MCM9: variants seen among roughly 807,000 people sequenced by gnomAD.
The protein encoded by MCM9 is minichromosome maintenance 9 homologous recombination repair factor, also known as DNA helicase MCM9.
In MCM9, 55 loss-of-function variants were observed where a neutral mutation model predicts 72.8. The ratio of observed to expected loss-of-function variants is 0.76; its 90% CI spans 0.61 to 0.95. MCM9 has a LOEUF of 0.95. Among genes scored for constraint, MCM9 ranks in the 40% least tolerant of loss-of-function variants. The pLI, the probability that MCM9 is intolerant of heterozygous loss-of-function variation, is 0.00. For synonymous variants in MCM9, 480 were observed against 503.4 expected (o/e 0.95, Z 0.62); for missense variants, 1,279 against 1,377.0 (o/e 0.93, Z 1.13).
intron 1 of MCM9, among the ~76,000 whole-genome samples, 167 bp from the exon 2 acceptor site, chr6:118,932,907 A>C (rs1486116561): frequency 6.6e-6 from 1 of 152,210 alleles, no homozygotes; most frequent in Non-Finnish European, 1.5e-5. Flanking sequence ...AAAAGCACCT[A>C]TCCCCATTCT....
Position 118,856,419 on chromosome 6 carries a change from C to T in MCM9, c.1277G>A (p.Ser426Asn). Residue 426 changes from serine (S) to asparagine (N), a missense_variant, in exon 9 of 14, where the codon AGT becomes AAT. Transcript: ENST00000619706. The stretch of plus-strand genomic sequence containing the variant: ...TTGTTGCTCCATTGCTTCATGGATA[C>T]TGGTCCTATCATGCTCTTTGAGGCT... ...FNSLKEHDRT[S>N]IHEAMEQQTI... 6.5e-7 allele frequency: 1 copy of T among 1,535,672 alleles called. No individual in the cohort carries two copies. The highest frequency in any genetic ancestry group is 8.7e-7 in the Non-Finnish European group (1 of 1,146,892).
At chr6:118,880,809 T>C (rs1029340154) in intron 8 of MCM9, among the ~76,000 whole-genome samples, 1 of 152,188 alleles carries the variant, frequency 6.6e-6, no homozygotes, top group African/African-American at 2.4e-5. Flanking sequence ...TTGTAGAGGA[T>C]TCCTGTGTTC....
intron 8 of MCM9, chr6:118,908,210 T>A (rs1300912523): frequency 6.6e-6 from 1 of 152,174 alleles, no homozygotes; most frequent in Non-Finnish European, 1.5e-5. Flanking sequence ...TTGGTTTGTT[T>A]GGTAAGAGAA....
chr6:118,892,597 A>G (rs1206417789), intron 8 of MCM9, among the ~76,000 whole-genome samples: 1 of 152,258 alleles, frequency 6.6e-6, no homozygotes, highest in East Asian at 1.9e-4. Context: ...GTCTTACAGC[A>G]TACAGCAATT....
At chr6:118,910,137 A>T (rs1780436774) in intron 8 of MCM9, among the ~76,000 whole-genome samples, 1 of 140,190 alleles carries the variant, frequency 7.1e-6, no homozygotes, top group Non-Finnish European at 1.5e-5. Flanking sequence ...AAAAAAAAAG[A>T]CTCCATAACA....
At position 118,922,014 on chromosome 6, in the gene MCM9, A is replaced by C. The variant is rs201895364; in HGVS notation, c.694T>G (p.Cys232Gly). The change falls in exon 5 of 14, where the codon TGC (cysteine) becomes GGC (glycine). Residue 232 changes from cysteine (C) to glycine (G), a missense_variant. Cys to Gly is a radical substitution (Grantham distance 159). Coordinates refer to ENST00000619706, the MANE Select transcript of MCM9 (RefSeq NM_017696.3). ...VILEDDLVDSCKSGDDLTIYG... is the reference protein window; with the variant it reads ...VILEDDLVDSGKSGDDLTIYG... ...ATTCCCCTCTTCTTACCAGATTTGC[A>C]ACTATCCACTAAGTCATCTTCCAGA... 4.0e-5 allele frequency: 65 copies of C among 1,612,494 alleles called. No individual in the cohort carries two copies. Among genetic ancestry groups the C allele is most frequent in the Non-Finnish European group, 8.5e-7 (1 of 1,179,222 alleles).
At chr6:118,846,635 G>A (rs1775887591) in intron 9 of MCM9, among the ~76,000 whole-genome samples, 1 of 151,724 alleles carries the variant, frequency 6.6e-6, no homozygotes, top group African/African-American at 2.4e-5. Flanking sequence ...CTGGAGTCTT[G>A]GTGATCAGGT....
rs148768644 is a variant in MCM9, at chr6:118,910,300, C to G, written c.1150+1350G>C. Among the ~76,000 whole-genome samples the G allele has an allele frequency of 2.3e-3, 351 of 151,986 alleles. 2 individuals are homozygous for G. Among genetic ancestry groups the G allele is most frequent in the African/African-American group, 8.1e-3 (337 of 41,420 alleles). ...TTTATGACTCTAATGGGTTGCAGTA[C>G]ACAATCTGAAGAAAGGCTAGCGTGG... On this transcript the variant is annotated intron_variant, in intron 8 of 13. Coordinates refer to ENST00000619706, the MANE Select transcript of MCM9 (RefSeq NM_017696.3).
chr6:118,815,049 G>T lies in MCM9; in HGVS notation c.3207C>A (p.Ser1069=). The T allele has an allele frequency of 3.9e-6, 6 of 1,550,378 alleles. No individual in the cohort carries two copies. The highest frequency in any genetic ancestry group is 5.2e-6 in the Non-Finnish European group (6 of 1,146,762). The part of the protein sequence containing the change: ...ANFCFTPPSE[S]KSKSPPPERK... ...TTTCAGGAGGAGGGGATTTTGATTT[G>T]GATTCCGATGGGGGAGTAAAGCAGA... is the stretch of plus-strand genomic sequence containing the variant. The change falls in exon 14 of 14, where the codon TCC becomes TCA. Residue 1069 remains serine (S), a synonymous_variant. Coordinates refer to ENST00000619706, the MANE Select transcript of MCM9 (RefSeq NM_017696.3).
At chr6:118,915,707 G>A (rs1257623676) in intron 6 of MCM9, among the ~76,000 whole-genome samples, 2 of 152,144 alleles carry the variant, frequency 1.3e-5, no homozygotes, top group African/African-American at 2.4e-5. Context: ...CTCTGAAATG[G>A]AGGAATACCA....
At chr6:118,913,203 A>G in intron 7 of MCM9, 92 bp downstream of exon 7, 1 of 1,446,118 alleles carries the variant, frequency 6.9e-7, no homozygotes, top group Non-Finnish European at 9.5e-7. Context: ...TTGGAAAATA[A>G]AACCCAACGA....
rs1385406870 is a variant in MCM9, at chr6:118,931,822, A to G, written c.-15-84T>C. On this transcript the variant is annotated intron_variant, in intron 2 of 13. Coordinates refer to ENST00000619706, the MANE Select transcript of MCM9 (RefSeq NM_017696.3). ...TAACAAAAACGATTGGTTATAAATC[A>G]CACTGGCTTTGGGTCATACTATAAT... 9 of 1,055,368 alleles carry G rather than the reference A, an allele frequency of 8.5e-6. No individual in the cohort carries two copies. In the East Asian group the frequency reaches 2.1e-4, roughly 24 times the overall value. 65.4% of individuals were successfully genotyped at this position (1,055,368 alleles called of 1,614,324 possible).
At chr6:118,836,885 T>G (rs537927416) in intron 9 of MCM9, among the ~76,000 whole-genome samples, 1 of 152,308 alleles carries the variant, frequency 6.6e-6, no homozygotes, top group East Asian at 1.9e-4. Context: ...TCTGCTAGCT[T>G]TTGAATTTGT....
At chr6:118,827,846 C>T (rs900209338) in intron 11 of MCM9, 81 bp downstream of exon 11, 5 of 1,354,082 alleles carry the variant, frequency 3.7e-6, no homozygotes, top group South Asian at 2.7e-5. Context: ...TCTCATTCAA[C>T]TTTGAATCCA....
chr6:118,814,800 A>AT lies in MCM9; in HGVS notation c.*23dup. 6.8e-7 allele frequency: 1 copy of AT among 1,476,640 alleles called. No individual in the cohort carries two copies. Among genetic ancestry groups the AT allele is most frequent in the Non-Finnish European group, 9.0e-7 (1 of 1,112,596 alleles). The allele number at this position is 1,476,640 out of a possible 1,614,324, so 91.5% of individuals were successfully genotyped here. A position where few individuals can be genotyped will look rare whatever the true frequency, so the allele number is the denominator to read the frequency against. ...CCTCTGTGGAGTTGAAGAAGGTGAG[A>AT]TTTGACCAGAAAGCTTTTCCCAACT... is the stretch of plus-strand genomic sequence containing the variant. On this transcript the variant is annotated 3_prime_UTR_variant, in exon 14 of 14. Coordinates refer to ENST00000619706, the MANE Select transcript of MCM9 (RefSeq NM_017696.3).
chr6:118,825,356 T>C (rs1205125034), intron 13 of MCM9, among the ~76,000 whole-genome samples: 5 of 152,206 alleles, frequency 3.3e-5, no homozygotes, highest in Admixed American at 6.5e-5. Context: ...CCAGGAAGGC[T>C]GTGCTGAAGT....
At chr6:118,896,991 A>G (rs1321984697) in intron 8 of MCM9, among the ~76,000 whole-genome samples, 1 of 151,992 alleles carries the variant, frequency 6.6e-6, no homozygotes, top group Non-Finnish European at 1.5e-5. Flanking sequence ...TCGATGTGCC[A>G]CCACATTGGG....
intron 8 of MCM9, among the ~76,000 whole-genome samples, chr6:118,904,880 C>T (rs1196419784): frequency 1.3e-5 from 2 of 152,236 alleles, no homozygotes; most frequent in Non-Finnish European, 2.9e-5. Flanking sequence ...ACTCTGTCGC[C>T]AGGCTGGAGT....
chr6:118,821,863 T>C (rs922681204), intron 13 of MCM9, among the ~76,000 whole-genome samples: 4 of 152,208 alleles, frequency 2.6e-5, no homozygotes, highest in African/African-American at 9.7e-5. Flanking sequence ...CATGCCTTAT[T>C]TCAGTAAGTT....
Sources: gnomAD v4.1 joint callset for allele counts (sites outside exome capture counted in the v4.1 genomes callset) on GRCh38, gnomAD v4.1.1 for gene constraint, MANE v1.5 for transcripts, NCBI Gene and HGNC (gene_info 2026-07-23, HGNC 2026-07-21) for gene names.